The following IL19 variants were observed in gnomAD, a reference collection of about 807,000 sequenced individuals.
IL19 encodes the protein interleukin-19.
A neutral mutation model predicts 19.5 loss-of-function variants in IL19; 15 were observed. The observed-to-expected ratio is 0.77, with a 90% CI of 0.52 to 1.19. IL19 has a LOEUF of 1.19. Among genes scored for constraint, IL19 ranks in the 50% most tolerant of loss-of-function variants. IL19 has a pLI of 0.00. For synonymous variants in IL19, 78 were observed against 78.3 expected (o/e 1.00, Z 0.02); for missense variants, 199 against 213.1 (o/e 0.93, Z 0.41).
chr1:206,837,091 G>T, intron 4 of IL19, 68 bp downstream of exon 4: 2 of 1,250,192 alleles, frequency 1.6e-6, no homozygotes, highest in Non-Finnish European at 1.2e-6. Flanking sequence ...GGCTGAGAAA[G>T]AAATCCCTAC....
At chr1:206,834,197 T>C (rs969371717) in intron 2 of IL19, 1 of 985,228 alleles carries the variant, frequency 1.0e-6, no homozygotes, top group Non-Finnish European at 1.2e-6. Flanking sequence ...TAATCAGCTA[T>C]ATCTTAAAGA....
At chr1:206,795,657 C>T (rs779667873) in intron 1 of IL19, among the ~76,000 whole-genome samples, 3 of 152,092 alleles carry the variant, frequency 2.0e-5, no homozygotes, top group African/African-American at 7.2e-5. Flanking sequence ...AGACTTGGGG[C>T]GATTTGCTAT....
intron 1 of IL19, chr1:206,772,554 T>C (rs747545564): frequency 1.2e-4 from 115 of 920,804 alleles, no homozygotes; most frequent in Non-Finnish European, 1.9e-4. Flanking sequence ...TCTTCATTCA[T>C]TAAAAAGCCA....
chr1:206,812,908 C>T (rs1484517970), intron 2 of IL19, among the ~76,000 whole-genome samples: 3 of 152,118 alleles, frequency 2.0e-5, no homozygotes, highest in African/African-American at 7.2e-5. Context: ...AAAACATATT[C>T]AGATGGGACT....
At chr1:206,808,122 G>C (rs1471510731) in intron 2 of IL19, among the ~76,000 whole-genome samples, 3 of 152,236 alleles carry the variant, frequency 2.0e-5, no homozygotes, top group African/African-American at 7.2e-5. Context: ...CTTGAGGCCA[G>C]GAGTTCAAGA....
rs562140158 is a variant in IL19 at position 206,827,293 on chromosome 1, T to C, written c.-2-9368T>C. On this transcript the variant is annotated intron_variant, in intron 2 of 6. Transcript: ENST00000659997. ...ATTTTATGGTGTTTGTGTTATTTGT[T>C]AGCTTTTATGAATTTGTAATTTGTT... Among the ~76,000 whole-genome samples the C allele has an allele frequency of 1.1e-4, 17 of 152,360 alleles. No individual in the cohort carries two copies. The South Asian group carries it at 3.5e-3, about 32-fold the overall frequency.
rs61817090 is a variant in IL19 at position 206,795,929 on chromosome 1, G to A, written c.-148-2932G>A. ...ACAGAACCAATATAAATATATATAT[G>A]TGTGTGTGTGTGTGTGTGTGTGTGT... On this transcript the variant is annotated intron_variant, in intron 1 of 6. Coordinates refer to ENST00000659997, the MANE Select transcript of IL19 (RefSeq NM_153758.5). 2.2e-4 allele frequency among the ~76,000 whole-genome samples: 17 copies of A among 76,464 alleles called. 1 individual carries two copies. The South Asian group carries it at 2.4e-3, about 11-fold the overall frequency. The allele number at this position is 76,464 out of a possible 152,430, so 50.2% of individuals were successfully genotyped here.
intron 1 of IL19, among the ~76,000 whole-genome samples, chr1:206,797,584 A>G (rs934881236): frequency 6.6e-6 from 1 of 152,208 alleles, no homozygotes; most frequent in East Asian, 1.9e-4. Context: ...GCTTTAAAAA[A>G]TTATTTGAAA....
At chr1:206,841,815 G>A (rs1185713763) in intron 6 of IL19, among the ~76,000 whole-genome samples, 2 of 152,144 alleles carry the variant, frequency 1.3e-5, no homozygotes, top group Non-Finnish European at 2.9e-5. Context: ...ACACACATTC[G>A]TCCTTCCCAA....
intron 2 of IL19, among the ~76,000 whole-genome samples, chr1:206,818,908 G>A (rs1232251306): frequency 6.6e-6 from 1 of 151,328 alleles, no homozygotes. Flanking sequence ...CGCCTCCCAG[G>A]TTCAAGCGAT....
chr1:206,833,686 G>A, intron 2 of IL19: 1 of 985,504 alleles, frequency 1.0e-6, no homozygotes, highest in Non-Finnish European at 1.2e-6. Flanking sequence ...TCTGCCACTG[G>A]CTGATCTTAA....
chr1:206,823,368 A>C (rs1676340599), intron 2 of IL19, among the ~76,000 whole-genome samples: 1 of 151,394 alleles, frequency 6.6e-6, no homozygotes. Flanking sequence ...CCTGGCAAAC[A>C]TGGTGAAACC....
At chr1:206,836,245 G>A (rs1210245808) in intron 2 of IL19, among the ~76,000 whole-genome samples, 1 of 152,156 alleles carries the variant, frequency 6.6e-6, no homozygotes, top group Non-Finnish European at 1.5e-5. Flanking sequence ...GTGTTTTTAT[G>A]GTTTTTCACA....
intron 2 of IL19, among the ~76,000 whole-genome samples, chr1:206,827,500 C>T (rs965799069): frequency 6.6e-6 from 1 of 152,062 alleles, no homozygotes; most frequent in Admixed American, 6.5e-5. Flanking sequence ...ACCATCCTGG[C>T]TAACACAGTG....
At chr1:206,814,605 A>T (rs756069771) in intron 2 of IL19, among the ~76,000 whole-genome samples, 1 of 151,432 alleles carries the variant, frequency 6.6e-6, no homozygotes, top group African/African-American at 2.4e-5. Context: ...GAGGCATGAG[A>T]ATCACTTGAA....
intron 2 of IL19, among the ~76,000 whole-genome samples, chr1:206,815,702 A>T (rs183681777): frequency 3.3e-5 from 5 of 152,342 alleles, no homozygotes. Context: ...ATAACCAGAC[A>T]TATCTTAAAA....
In IL19 at chr1:206,802,611, C is replaced by T. The variant is rs563004477; in HGVS notation, c.-3+3605C>T. Among the ~76,000 whole-genome samples, 10 of 152,136 alleles carry T rather than the reference C, an allele frequency of 6.6e-5. No homozygotes were observed. The South Asian group carries it at 1.5e-3, about 22-fold the overall frequency. On this transcript the variant is annotated intron_variant, in intron 2 of 6. Transcript: ENST00000659997. ...TTGGGAAAGAGCTTCATGGGTAAAT[C>T]GTGAGTCATACTTAATTTCAATTCC...
intron 1 of IL19, among the ~76,000 whole-genome samples, chr1:206,778,038 TACTTCAGAATAAACGCCTGGTGGGC>T (rs1675051072): frequency 6.6e-6 from 1 of 152,158 alleles, no homozygotes. Flanking sequence ...GTGTCTGGGG[TACTTCAGAATAAACGCCTGGTGGGC>T]CAGAAGTTTA....
At chr1:206,777,351 GA>G (rs1218909352) in intron 1 of IL19, among the ~76,000 whole-genome samples, 1 of 148,042 alleles carries the variant, frequency 6.8e-6, no homozygotes, top group Admixed American at 6.7e-5. Flanking sequence ...AGGTTGCAGT[GA>G]GCCGAGATCG....
Sources: allele counts gnomAD v4.1 joint callset (sites outside exome capture counted in the v4.1 genomes callset), GRCh38; gene constraint gnomAD v4.1.1; transcripts MANE v1.5; gene names NCBI Gene and HGNC (gene_info 2026-07-23, HGNC 2026-07-21).